The following MPV17 variants were observed in gnomAD, a reference collection of about 807,000 sequenced individuals.
MPV17 encodes MPV17, mitochondrial inner membrane protein.
Under a neutral mutation model 28.6 loss-of-function variants are expected in MPV17, and 31 were observed. That is an observed-to-expected ratio of 1.08 (90% CI 0.81 to 1.46). The LOEUF (loss-of-function observed/expected upper bound fraction) is 1.46. MPV17 is among the 40% of genes most tolerant of loss of function. The pLI is 0.00. For missense variants in MPV17, 198 were observed against 216.2 expected (o/e 0.92, Z 0.53); for synonymous variants, 87 against 85.3 (o/e 1.02, Z -0.11).
intron 1 of MPV17, 136 bp from the exon 2 acceptor site, chr2:27,322,658 G>A (rs1679902601): frequency 1.4e-6 from 1 of 708,676 alleles, no homozygotes. Context: ...GCCACATGAA[G>A]GATGCTTCCC....
chr2:27,319,239 C>T (rs768931240), intron 2 of MPV17, among the ~76,000 whole-genome samples: 11 of 151,960 alleles, frequency 7.2e-5, no homozygotes, highest in South Asian at 4.2e-4. Flanking sequence ...CTCTGCTTTC[C>T]GGAACCCAAG....
At position 27,312,427 on chromosome 2, in the gene MPV17, AC is replaced by A. The variant is rs764173266; in HGVS notation, c.375+66del. On this transcript the variant is annotated intron_variant, in intron 5 of 7. Transcript: ENST00000380044. The stretch of plus-strand genomic sequence containing the variant: ...TTACCCCCTTTTTTATCCCTGTAAA[AC>A]CTGTCTTCTTCCCCTGGGCTGTCAG... 45 of 1,552,494 alleles carry A rather than the reference AC, an allele frequency of 2.9e-5. No homozygotes were observed. In the African/African-American group the frequency reaches 5.3e-4, roughly 18 times the overall value.
At chr2:27,312,351 G>T in intron 5 of MPV17, 105 bp from the exon 6 acceptor site, 1 of 1,436,992 alleles carries the variant, frequency 7.0e-7, no homozygotes, top group Non-Finnish European at 9.8e-7. Flanking sequence ...GCACATTCCT[G>T]CACCATAACC....
At chr2:27,311,343 G>A (rs899900687) in intron 7 of MPV17, 2 of 502,886 alleles carry the variant, frequency 4.0e-6, no homozygotes, top group Non-Finnish European at 7.2e-6. Flanking sequence ...TTACAGGTGT[G>A]AGCCACCGTG....
chr2:27,321,177 C>G (rs1679844949), intron 2 of MPV17, among the ~76,000 whole-genome samples: 1 of 152,258 alleles, frequency 6.6e-6, no homozygotes, highest in Non-Finnish European at 1.5e-5. Context: ...AATCTTCCAT[C>G]TGGCAGTTAT....
At chr2:27,311,485 T>C in intron 7 of MPV17, 1 of 1,013,286 alleles carries the variant, frequency 9.9e-7, no homozygotes, top group Non-Finnish European at 1.5e-6. Context: ...ACATCTTCAG[T>C]GCCACTATCT....
chr2:27,312,494 C>G lies in MPV17; in HGVS notation c.375G>C (p.Arg125=), dbSNP rs1064793178. 6.2e-7 allele frequency: 1 copy of G among 1,614,004 alleles called. No homozygotes were observed. The highest frequency in any genetic ancestry group is 1.3e-5 in the African/African-American group (1 of 75,046). Residue 125 remains arginine, a splice_region_variant and synonymous_variant, in exon 5 of 8, where the codon CGG becomes CGC. Transcript: ENST00000380044. The part of the protein sequence containing the change: ...SAQDNWAKLQ[R]DYPDALITNY... ...CATTCTCCACACCTGCCCAGCTCAC[C>G]CGCTGTAGTTTGGCCCAGTTGTCCT...
intron 2 of MPV17, among the ~76,000 whole-genome samples, chr2:27,315,504 TA>T (rs770945697): frequency 1.3e-5 from 2 of 152,216 alleles, no homozygotes; most frequent in Non-Finnish European, 2.9e-5. Flanking sequence ...CTTATACATT[TA>T]ATCCTCACAA....
At chr2:27,310,164 G>A (rs1301494153) in intron 7 of MPV17, among the ~76,000 whole-genome samples, 183 bp from the exon 8 acceptor site, 1 of 152,118 alleles carries the variant, frequency 6.6e-6, no homozygotes, top group Non-Finnish European at 1.5e-5. Flanking sequence ...GAGTGCAGTA[G>A]CACAATCTTG....
At position 27,310,002 on chromosome 2, in the gene MPV17, A is replaced by G. The variant is rs62130714; in HGVS notation, c.462-21T>C. The G allele has an allele frequency of 0.22, 358,818 of 1,598,588 alleles. 43,319 individuals are homozygous for G. The highest frequency in any genetic ancestry group is 0.44 in the Admixed American group (26,124 of 59,792). On this transcript the variant is annotated intron_variant, in intron 7 of 7. Transcript: ENST00000380044. ...CCAACCTAAGGAACAGGAATAACACAATGAAGAGGAGGAAGGCTAAGCAGT... is the reference window on the plus strand; with the variant it reads ...CCAACCTAAGGAACAGGAATAACACGATGAAGAGGAGGAAGGCTAAGCAGT...
chr2:27,312,434 T>C (rs745902338), intron 5 of MPV17, 60 bp downstream of exon 5: 5 of 1,572,940 alleles, frequency 3.2e-6, no homozygotes, highest in Non-Finnish European at 2.6e-6. Flanking sequence ...AAAACCTGTC[T>C]TCTTCCCCTG....
Position 27,312,266 on chromosome 2 carries a change from AC to A in MPV17, c.376-21del, listed in dbSNP as rs772204532. ...ATAATCCTGGGGAGACAGAGAAGGA[AC>A]AAATTAACACTTGCGCCTCCAAGCA... is the stretch of plus-strand genomic sequence containing the variant. On this transcript the variant is annotated intron_variant, in intron 5 of 7. Coordinates refer to ENST00000380044, the MANE Select transcript of MPV17 (RefSeq NM_002437.5). 4 of 1,613,802 alleles carry A rather than the reference AC, an allele frequency of 2.5e-6. No individual in the cohort carries two copies. The highest frequency in any genetic ancestry group is 1.6e-4 in the Middle Eastern group (1 of 6,062).
Position 27,309,967 on chromosome 2 carries a change from T to G in MPV17, c.476A>C (p.Gln159Pro), listed in dbSNP as rs1223370346. The change falls in exon 8 of 8, where the codon CAA (glutamine) becomes CCA (proline). Residue 159 changes from glutamine (Q) to proline (P), a missense_variant. Physicochemically the swap from Gln to Pro is moderately conservative, Grantham distance 76. Transcript: ENST00000380044. ...VPLHYRLAVV[Q>P]CVAVIWNSYL... Reference sequence around the variant, plus strand: ...GGAGTTCCAGATAACAGCAACACATTGGACAACGGCCAACCTAAGGAACAG... The same window carrying G: ...GGAGTTCCAGATAACAGCAACACATGGGACAACGGCCAACCTAAGGAACAG... 3 of 1,613,952 alleles carry G rather than the reference T, an allele frequency of 1.9e-6. No homozygotes were observed. The highest frequency in any genetic ancestry group is 1.1e-5 in the South Asian group (1 of 91,062).
intron 2 of MPV17, chr2:27,315,981 G>A: frequency 1.3e-6 from 2 of 1,508,832 alleles, no homozygotes; most frequent in Non-Finnish European, 1.8e-6. Context: ...TTCCTGGCAT[G>A]GGCTGAGATG....
Position 27,317,276 on chromosome 2 carries a change from G to A in MPV17, c.71-4167C>T. ...GCTGCCTAGGATAGGGGCTCAGTCT[G>A]GCACAGAGCCCAGAGGGAGTGGAAG... On this transcript the variant is annotated intron_variant, in intron 2 of 7. Transcript: ENST00000380044. This position sits in a 1 kb window ranked among gnomAD's most constrained non-coding sequence, Gnocchi z 4.0. 2 of 1,479,900 alleles carry A rather than the reference G, an allele frequency of 1.4e-6. No homozygotes were observed. The highest frequency in any genetic ancestry group is 1.3e-5 in the South Asian group (1 of 74,282). The allele number at this position is 1,479,900 out of a possible 1,614,324, so 91.7% of individuals were successfully genotyped here. A position where few individuals can be genotyped will look rare whatever the true frequency, so the allele number is the denominator to read the frequency against.
chr2:27,312,109 T>A (rs1004577165), intron 6 of MPV17, 105 bp downstream of exon 6: 1 of 1,452,940 alleles, frequency 6.9e-7, no homozygotes, highest in South Asian at 1.1e-5. Context: ...AATGAAAGAG[T>A]AATCCCAACG....
In MPV17 at chr2:27,309,936, C is replaced by G. The variant is rs369282321; in HGVS notation, c.507G>C (p.Leu169=). ...CTTAGAGCCGATGTGCCTTCCAGGA[C>G]AGGTAGGAGTTCCAGATAACAGCAA... The part of the protein sequence containing the change: ...QCVAVIWNSY[L]SWKAHRL Residue 169 remains leucine, a synonymous_variant, in exon 8 of 8, where the codon CTG becomes CTC. Transcript: ENST00000380044. The G allele has an allele frequency of 6.2e-7, 1 of 1,613,956 alleles. No individual in the cohort carries two copies. Among genetic ancestry groups the G allele is most frequent in the Non-Finnish European group, 8.5e-7 (1 of 1,179,956 alleles).
rs1229249979 is a variant in MPV17 at position 27,309,528 on chromosome 2, C to T, written c.*384G>A. The T allele has an allele frequency of 5.1e-6, 2 of 394,168 alleles. No individual in the cohort carries two copies. The highest frequency in any genetic ancestry group is 9.2e-6 in the Non-Finnish European group (2 of 218,140). 24.4% of individuals were successfully genotyped at this position (394,168 alleles called of 1,614,324 possible). A position where few individuals can be genotyped will look rare whatever the true frequency, so the allele number is the denominator to read the frequency against. Reference sequence around the variant, plus strand: ...ATATTTAATAACATATTTACTGAGGCACCATATAAAGGGTTCCGGGAGTCT... The same window carrying T: ...ATATTTAATAACATATTTACTGAGGTACCATATAAAGGGTTCCGGGAGTCT... On this transcript the variant is annotated 3_prime_UTR_variant, in exon 8 of 8. Coordinates refer to ENST00000380044, the MANE Select transcript of MPV17 (RefSeq NM_002437.5).
chr2:27,313,222 G>A (rs960079078), intron 2 of MPV17, 113 bp from the exon 3 acceptor site: 36 of 1,569,634 alleles, frequency 2.3e-5, no homozygotes, highest in Non-Finnish European at 3.0e-5. Flanking sequence ...GAACCCCAGG[G>A]CTTCATTGTG....
Sources: allele counts gnomAD v4.1 joint callset (sites outside exome capture counted in the v4.1 genomes callset), GRCh38; gene constraint gnomAD v4.1.1; non-coding constraint Gnocchi (gnomAD v3.1); transcripts MANE v1.5; gene names NCBI Gene and HGNC (gene_info 2026-07-23, HGNC 2026-07-21).